The following RBFOX1 variants were observed in gnomAD, a reference collection of about 807,000 sequenced individuals.
RBFOX1 encodes the protein RNA binding fox-1 homolog 1, also known as RNA binding protein fox-1 homolog 1.
RBFOX1 carries 8 observed loss-of-function variants against 57.7 expected under a neutral mutation model. That is an observed-to-expected ratio of 0.14 (90% CI 0.08 to 0.25). The LOEUF is 0.25. Among genes scored for constraint, RBFOX1 ranks in the 10% least tolerant of loss-of-function variants. RBFOX1 has a pLI of 1.00. For synonymous variants in RBFOX1, 326 were observed against 222.4 expected, an observed-to-expected ratio of 1.47 and a Z score of -4.15; for missense variants, 611 against 548.5, an observed-to-expected ratio of 1.11 and a Z score of -1.14.
chr16:5,733,905 T>C (rs549422720), intron 3 of RBFOX1, among the ~76,000 whole-genome samples: 18 of 152,234 alleles, frequency 1.2e-4, no homozygotes, highest in Admixed American at 4.6e-4. Flanking sequence ...AGGACATCTA[T>C]TCTGCCCTAC....
chr16:7,315,659 T>G (rs2096421418), intron 4 of RBFOX1, among the ~76,000 whole-genome samples: 1 of 152,004 alleles, frequency 6.6e-6, no homozygotes. Flanking sequence ...TATATATATA[T>G]ATATATATGG....
chr16:6,990,605 G>C (rs2091266384), intron 3 of RBFOX1, among the ~76,000 whole-genome samples: 1 of 152,056 alleles, frequency 6.6e-6, no homozygotes, highest in South Asian at 2.1e-4. Flanking sequence ...TTACCAAGTA[G>C]AAGTAGCATA....
At chr16:6,065,120 C>T (rs140436902) in intron 1 of RBFOX1, among the ~76,000 whole-genome samples, 29 of 151,798 alleles carry the variant, frequency 1.9e-4, no homozygotes, top group Admixed American at 5.3e-4. Context: ...CTTGACCTCC[C>T]GGGCTCAAGT....
intron 2 of RBFOX1, among the ~76,000 whole-genome samples, chr16:5,497,043 TA>T (rs2043024018): frequency 6.6e-6 from 1 of 152,256 alleles, no homozygotes; most frequent in Non-Finnish European, 1.5e-5. Flanking sequence ...GAATTTTTTT[TA>T]CTTTCACAAT....
chr16:5,822,756 GAA>G (rs1230000636), intron 3 of RBFOX1, among the ~76,000 whole-genome samples: 1 of 152,186 alleles, frequency 6.6e-6, no homozygotes, highest in African/African-American at 2.4e-5. Context: ...AAGTTGGAAG[GAA>G]TTGGAGATGG....
intron 2 of RBFOX1, among the ~76,000 whole-genome samples, chr16:5,577,576 A>G (rs935386121): frequency 6.6e-5 from 10 of 152,202 alleles, no homozygotes; most frequent in African/African-American, 2.4e-4. Flanking sequence ...GTGCCCCACA[A>G]ATGATTTTAA....
intron 1 of RBFOX1, among the ~76,000 whole-genome samples, chr16:6,063,445 G>A (rs1323649318): frequency 6.7e-6 from 1 of 148,708 alleles, no homozygotes; most frequent in Non-Finnish European, 1.5e-5. Flanking sequence ...TCCATCATTA[G>A]CGTCTGTTCT....
intron 2 of RBFOX1, among the ~76,000 whole-genome samples, chr16:6,463,102 A>G (rs185171828): frequency 1.4e-5 from 2 of 141,546 alleles, no homozygotes; most frequent in Admixed American, 1.4e-4. Context: ...TCCCCTATTC[A>G]ACTTTTATAA....
At chr16:5,534,211 G>A (rs1262575102) in intron 2 of RBFOX1, among the ~76,000 whole-genome samples, 1 of 152,164 alleles carries the variant, frequency 6.6e-6, no homozygotes, top group East Asian at 1.9e-4. Context: ...CAGCTTTAGT[G>A]GTGGGTGTTG....
intron 11 of RBFOX1, among the ~76,000 whole-genome samples, chr16:7,643,150 G>C (rs756403337): frequency 6.6e-6 from 1 of 152,138 alleles, no homozygotes; most frequent in Non-Finnish European, 1.5e-5. Context: ...TACTGCCTTC[G>C]CTCAGAGACA....
chr16:5,328,814 A>G (rs1439703621), intron 1 of RBFOX1, among the ~76,000 whole-genome samples: 3 of 152,208 alleles, frequency 2.0e-5, no homozygotes, highest in Non-Finnish European at 4.4e-5. Context: ...AGCCACGAGA[A>G]TGTGAAATTC....
At chr16:5,351,555 C>A (rs973697528) in intron 1 of RBFOX1, among the ~76,000 whole-genome samples, 6 of 152,236 alleles carry the variant, frequency 3.9e-5, no homozygotes, top group African/African-American at 1.2e-4. Flanking sequence ...TAAGATTCAA[C>A]TCAAGGTGTT....
intron 4 of RBFOX1, among the ~76,000 whole-genome samples, chr16:7,187,895 G>C (rs2084327274): frequency 6.6e-6 from 1 of 151,948 alleles, no homozygotes; most frequent in Admixed American, 6.6e-5. Flanking sequence ...ACCATGTATT[G>C]TCAAGTGAAC....
At chr16:5,733,546 C>G (rs911017119) in intron 3 of RBFOX1, among the ~76,000 whole-genome samples, 2 of 152,156 alleles carry the variant, frequency 1.3e-5, no homozygotes, top group Admixed American at 6.5e-5. Context: ...GCCAGGTCAG[C>G]TGGGCAAACT....
rs372767331 is a variant in RBFOX1 at position 5,265,303 on chromosome 16, A to G, written c.219+25198A>G. 4.3e-4 allele frequency among the ~76,000 whole-genome samples: 65 copies of G among 151,574 alleles called. 1 individual carries two copies. In the South Asian group the frequency reaches 0.011, roughly 26 times the overall value. On this transcript the variant is annotated intron_variant, in intron 1 of 2. Transcript: ENST00000585867. Reference sequence around the variant, plus strand: ...TGAAGAGACATTGATAAAACGGTACAGCCATGAACCACCCTAACTCAATGC... The same window carrying G: ...TGAAGAGACATTGATAAAACGGTACGGCCATGAACCACCCTAACTCAATGC...
chr16:5,807,358 G>C (rs2055264190), intron 3 of RBFOX1, among the ~76,000 whole-genome samples: 1 of 152,084 alleles, frequency 6.6e-6, no homozygotes, highest in Non-Finnish European at 1.5e-5. Context: ...GGCATCTTCA[G>C]GATGCCACAG....
chr16:6,050,702 T>TA (rs2095543423), intron 1 of RBFOX1, among the ~76,000 whole-genome samples: 1 of 152,222 alleles, frequency 6.6e-6, no homozygotes. Context: ...GAGTACTTCT[T>TA]AAAGAGAAAT....
At chr16:5,999,938 AAAGC>A (rs1158219717) in intron 4 of RBFOX1, among the ~76,000 whole-genome samples, 6 of 151,106 alleles carry the variant, frequency 4.0e-5, no homozygotes, top group African/African-American at 1.5e-4. Context: ...ACAAGGAAAG[AAAGC>A]AAGCATATAT....
intron 4 of RBFOX1, among the ~76,000 whole-genome samples, chr16:7,214,786 C>T (rs1003744984): frequency 3.9e-5 from 6 of 152,086 alleles, no homozygotes; most frequent in African/African-American, 1.4e-4. Flanking sequence ...CTCACCCCTG[C>T]AAAATGAAGT....
Sources: allele counts gnomAD v4.1 joint callset (sites outside exome capture counted in the v4.1 genomes callset), GRCh38; gene constraint gnomAD v4.1.1; transcripts MANE v1.5; gene names NCBI Gene and HGNC (gene_info 2026-07-23, HGNC 2026-07-21).